The following NGEF variants were observed in gnomAD, a reference collection of about 807,000 sequenced individuals.
The protein encoded by NGEF is neuronal guanine nucleotide exchange factor.
A neutral mutation model predicts 80.9 loss-of-function variants in NGEF; 31 were observed. The ratio of observed to expected loss-of-function variants is 0.38; its 90% CI spans 0.29 to 0.52. The LOEUF is 0.52. Among genes scored for constraint, NGEF ranks in the 20% least tolerant of loss-of-function variants. The pLI is 0.84. For synonymous variants in NGEF, 371 were observed against 370.2 expected, an observed-to-expected ratio of 1.00 and a Z score of -0.03; for missense variants, 709 against 926.2, an observed-to-expected ratio of 0.77 and a Z score of 3.04.
chr2:233,000,760 A>C (rs77738640), intron 1 of NGEF, among the ~76,000 whole-genome samples: 1 of 50,144 alleles, frequency 2.0e-5, no homozygotes, highest in Non-Finnish European at 4.2e-5. Context: ...ACTCTGTCTC[A>C]AAAAAAAAAA....
At chr2:232,988,047 G>C (rs866134159) in intron 1 of NGEF, among the ~76,000 whole-genome samples, 6,249 of 147,558 alleles carry the variant, frequency 0.042, 468 homozygotes, top group African/African-American at 0.15. Context: ...GTGTGTGTGT[G>C]TGTGTGTGTG....
In NGEF at chr2:232,888,377, TAG is replaced by T. The variant is rs1691767513; in HGVS notation, c.1273-272_1273-271del. Among the ~76,000 whole-genome samples, 7 of 151,536 alleles carry T rather than the reference TAG, an allele frequency of 4.6e-5. No individual in the cohort carries two copies. The South Asian group carries it at 1.5e-3, about 32-fold the overall frequency. ...GCAGTGTGCACACATGCACACCGTG[TAG>T]AAACATGCATACAAGCACACGTGCA... On this transcript the variant is annotated intron_variant, in intron 8 of 14. Transcript: ENST00000264051.
chr2:232,933,208 T>A (rs1693254179), intron 3 of NGEF, among the ~76,000 whole-genome samples: 1 of 152,114 alleles, frequency 6.6e-6, no homozygotes, highest in Non-Finnish European at 1.5e-5. Flanking sequence ...TCAAAGGCCC[T>A]ACCTTCCAAT....
intron 1 of NGEF, among the ~76,000 whole-genome samples, chr2:232,981,722 C>A (rs146247412): frequency 4.6e-5 from 7 of 152,200 alleles, no homozygotes; most frequent in African/African-American, 1.7e-4. Context: ...AAACTCCAAT[C>A]CCCGAATGCT....
chr2:232,885,273 G>T lies in NGEF; in HGVS notation c.1437+7C>A. On this transcript the variant is annotated splice_region_variant and intron_variant, in intron 10 of 14. Coordinates refer to ENST00000264051, the MANE Select transcript of NGEF (RefSeq NM_019850.3). The stretch of plus-strand genomic sequence containing the variant: ...GGCACAGGCTCACACCAATCCCACC[G>T]GTTCACCTTGATCTTGAACTCCATC... 2 of 1,613,174 alleles carry T rather than the reference G, an allele frequency of 1.2e-6. No homozygotes were observed. The highest frequency in any genetic ancestry group is 1.3e-5 in the African/African-American group (1 of 75,036).
At chr2:232,896,080 G>A (rs1264910423) in intron 5 of NGEF, among the ~76,000 whole-genome samples, 1 of 151,918 alleles carries the variant, frequency 6.6e-6, no homozygotes, top group East Asian at 1.9e-4. Context: ...TCCCACAGTC[G>A]CTTCCCAGGA....
chr2:232,933,557 A>G (rs1176343409), intron 3 of NGEF, among the ~76,000 whole-genome samples: 1 of 152,104 alleles, frequency 6.6e-6, no homozygotes, highest in Non-Finnish European at 1.5e-5. Flanking sequence ...TCCTTGCTCA[A>G]ACATCTTGGT....
intron 6 of NGEF, 134 bp downstream of exon 6, chr2:232,894,622 T>C (rs1413140996): frequency 2.1e-6 from 2 of 954,444 alleles, no homozygotes; most frequent in African/African-American, 3.2e-5. Context: ...CATTTATTTA[T>C]ATTTTATTAT....
Position 232,879,241 on chromosome 2 carries a change from G to A in NGEF, c.*248C>T, listed in dbSNP as rs969904283. The A allele has an allele frequency of 2.1e-6, 1 of 466,832 alleles. No individual in the cohort carries two copies. Among genetic ancestry groups the A allele is most frequent in the East Asian group, 3.3e-5 (1 of 30,126 alleles). The allele number at this position is 466,832 out of a possible 1,614,324, so 28.9% of individuals were successfully genotyped here. A position where few individuals can be genotyped will look rare whatever the true frequency, so the allele number is the denominator to read the frequency against. Reference sequence around the variant, plus strand: ...CCCTCGGAGGCATGAGGGAGGTGGTGTAATACTGCTGAAACCTTCTTGTTT... The same window carrying A: ...CCCTCGGAGGCATGAGGGAGGTGGTATAATACTGCTGAAACCTTCTTGTTT... On this transcript the variant is annotated 3_prime_UTR_variant, in exon 15 of 15. Coordinates refer to ENST00000264051, the MANE Select transcript of NGEF (RefSeq NM_019850.3).
In NGEF at chr2:233,003,488, C is replaced by A. The variant is rs150266308; in HGVS notation, c.-75+9580G>T. ...TCCGCCTGGAGCAGCCCTGCCTGCA[C>A]CTTCCCCTTCCTTGCTAATATCCTC... is the stretch of plus-strand genomic sequence containing the variant. On this transcript the variant is annotated intron_variant, in intron 1 of 14. Coordinates refer to ENST00000264051, the MANE Select transcript of NGEF (RefSeq NM_019850.3). Among the ~76,000 whole-genome samples the A allele has an allele frequency of 2.6e-3, 395 of 152,302 alleles. 4 individuals carry two copies. The highest frequency in any genetic ancestry group is 8.4e-3 in the African/African-American group (349 of 41,548).
chr2:232,972,917 C>T lies in NGEF; in HGVS notation c.268+1706G>A, dbSNP rs141960992. ...CATTACAAGCATGCACCACCATGCC[C>T]GGCTAATTTTTGTATTTTTAGTAGA... On this transcript the variant is annotated intron_variant, in intron 2 of 14. Transcript: ENST00000264051. 8.8e-3 allele frequency among the ~76,000 whole-genome samples: 1,331 copies of T among 151,928 alleles called. 10 individuals carry two copies. The highest frequency in any genetic ancestry group is 0.014 in the African/African-American group (564 of 41,434).
intron 8 of NGEF, among the ~76,000 whole-genome samples, chr2:232,890,758 G>A (rs1027187262): frequency 4.6e-5 from 7 of 151,666 alleles, no homozygotes; most frequent in Non-Finnish European, 7.4e-5. Flanking sequence ...CCCCGTTTCC[G>A]TCACCCTCTG....
At chr2:232,987,844 C>G (rs1424279616) in intron 1 of NGEF, among the ~76,000 whole-genome samples, 6 of 152,080 alleles carry the variant, frequency 3.9e-5, no homozygotes, top group African/African-American at 1.2e-4. Flanking sequence ...TGGAGCAGCC[C>G]TTTACAAGAA....
chr2:232,884,593 G>A (rs769020295), intron 10 of NGEF, among the ~76,000 whole-genome samples: 1 of 152,230 alleles, frequency 6.6e-6, no homozygotes, highest in Non-Finnish European at 1.5e-5. Flanking sequence ...AAGGGGCTGA[G>A]TTCACAGTAG....
Position 232,927,075 on chromosome 2 carries a change from G to A in NGEF, c.495C>T (p.Ala165=). 1 of 1,613,998 alleles carries A rather than the reference G, an allele frequency of 6.2e-7. No individual in the cohort carries two copies. Among genetic ancestry groups the A allele is most frequent in the Non-Finnish European group, 8.5e-7 (1 of 1,180,004 alleles). ...GTTCAATGAGGTTTCTCCAGGAGTC[G>A]GCGGGAATGGGGTGGATCATCCGCA... is the stretch of plus-strand genomic sequence containing the variant. ...EALRMIHPIP[A]DSWRNLIEQI... is the part of the protein sequence containing the mutation. Residue 165 remains alanine, a synonymous_variant, in exon 4 of 15, where the codon GCC becomes GCT. Coordinates refer to ENST00000264051, the MANE Select transcript of NGEF (RefSeq NM_019850.3).
chr2:232,938,808 T>A (rs2106294856), intron 3 of NGEF, among the ~76,000 whole-genome samples: 1 of 149,760 alleles, frequency 6.7e-6, no homozygotes, highest in African/African-American at 2.5e-5. Flanking sequence ...AAATTTGAAG[T>A]GAATGAGATC....
At chr2:233,006,833 A>G (rs1008285042) in intron 1 of NGEF, among the ~76,000 whole-genome samples, 5 of 152,184 alleles carry the variant, frequency 3.3e-5, no homozygotes, top group African/African-American at 1.2e-4. Context: ...TAACCGACTC[A>G]TCCGAGGTCA....
At chr2:232,939,175 C>CAAAA (rs60357492) in intron 3 of NGEF, among the ~76,000 whole-genome samples, 4 of 66,088 alleles carry the variant, frequency 6.1e-5, no homozygotes, top group African/African-American at 1.8e-4. Context: ...GACTCAGTCT[C>CAAAA]AAAAAAAAAA....
intron 1 of NGEF, among the ~76,000 whole-genome samples, chr2:232,995,119 CAGTA>C (rs1559239523): frequency 1.5e-4 from 1 of 6,660 alleles, no homozygotes; most frequent in Non-Finnish European, 2.9e-4. Flanking sequence ...TATATGTGTA[CAGTA>C]TGTATATATG....
Sources: allele counts gnomAD v4.1 joint callset (sites outside exome capture counted in the v4.1 genomes callset), GRCh38; gene constraint gnomAD v4.1.1; transcripts MANE v1.5; gene names NCBI Gene and HGNC (gene_info 2026-07-23, HGNC 2026-07-21).